The following SSH1 variants were observed in gnomAD, a reference collection of about 807,000 sequenced individuals.
SSH1 encodes slingshot protein phosphatase 1, also known as protein phosphatase Slingshot homolog 1.
SSH1 carries 43 observed loss-of-function variants against 79.7 expected under a neutral mutation model. The observed-to-expected ratio is 0.54, with a 90% confidence interval of 0.42 to 0.70. SSH1 has a LOEUF of 0.70. Ranked by LOEUF, SSH1 falls within the 30% of genes least tolerant of loss-of-function variation. The probability of loss-of-function intolerance (pLI) is 0.00; values close to 1 mark genes in which losing one functional copy is unlikely to be tolerated. For missense variants in SSH1, 1,206 were observed against 1,358.8 expected (o/e 0.89, Z 1.77); for synonymous variants, 599 against 538.3 (o/e 1.11, Z -1.56).
chr12:108,796,630 C>T (rs1298004599), intron 13 of SSH1, among the ~76,000 whole-genome samples: 11 of 152,178 alleles, frequency 7.2e-5, no homozygotes, highest in Non-Finnish European at 1.5e-4. Context: ...CACTTTTTGG[C>T]TATCGTGGAT....
At chr12:108,797,339 A>G (rs1390964523) in intron 13 of SSH1, among the ~76,000 whole-genome samples, 2 of 151,928 alleles carry the variant, frequency 1.3e-5, no homozygotes, top group Non-Finnish European at 2.9e-5. Context: ...CATGTTGCCA[A>G]TGACAGCAAT....
intron 3 of SSH1, 103 bp downstream of exon 3, chr12:108,823,155 A>AT: frequency 8.9e-7 from 1 of 1,124,596 alleles, no homozygotes. Flanking sequence ...TGCGTCCACT[A>AT]TGTCTAAGGC....
chr12:108,793,261 C>A (rs181651305), intron 13 of SSH1, among the ~76,000 whole-genome samples: 8 of 152,178 alleles, frequency 5.3e-5, no homozygotes, highest in Non-Finnish European at 7.4e-5. Flanking sequence ...GATCTATACA[C>A]GATAATACAA....
At chr12:108,845,179 AGCCTGG>A (rs2038869753) in intron 2 of SSH1, among the ~76,000 whole-genome samples, 1 of 150,310 alleles carries the variant, frequency 6.7e-6, no homozygotes, top group Admixed American at 6.6e-5. Flanking sequence ...ACTGCACTCC[AGCCTGG>A]GCAACAGAGC....
chr12:108,844,977 C>T (rs968039029), intron 2 of SSH1, among the ~76,000 whole-genome samples: 1 of 151,616 alleles, frequency 6.6e-6, no homozygotes, highest in Non-Finnish European at 1.5e-5. Context: ...GGTACACCTA[C>T]AGTCCCAGCT....
chr12:108,830,528 A>C (rs1248414489), intron 2 of SSH1, among the ~76,000 whole-genome samples: 1 of 152,166 alleles, frequency 6.6e-6, no homozygotes, highest in Non-Finnish European at 1.5e-5. Context: ...GGGCTTCATA[A>C]AGATACCTCT....
intron 4 of SSH1, among the ~76,000 whole-genome samples, chr12:108,817,556 C>G (rs1429314728): frequency 1.3e-5 from 2 of 152,222 alleles, no homozygotes; most frequent in Non-Finnish European, 2.9e-5. Flanking sequence ...GCCAGAGCGA[C>G]AGAGTGAGAT....
intron 2 of SSH1, among the ~76,000 whole-genome samples, chr12:108,847,512 G>A (rs569192601): frequency 6.6e-6 from 1 of 152,164 alleles, no homozygotes; most frequent in Non-Finnish European, 1.5e-5. Context: ...TGCCCAGGCT[G>A]GAGTGCAGTG....
chr12:108,837,911 T>C (rs1371178166), intron 2 of SSH1, among the ~76,000 whole-genome samples: 1 of 151,986 alleles, frequency 6.6e-6, no homozygotes, highest in African/African-American at 2.4e-5. Context: ...ACCACCCAAG[T>C]AGCTGGGACT....
In SSH1 at chr12:108,786,822, A is replaced by C. The variant is rs2036288841; in HGVS notation, c.*1166T>G. ...CTAGCTTGCTGACACCTTTGATTCA[A>C]GCCTGGCGCAGCGGGACTGGCTGAG... On this transcript the variant is annotated 3_prime_UTR_variant, in exon 15 of 15. Transcript: ENST00000326495. The C allele has an allele frequency of 6.6e-6, 1 of 152,216 alleles. No individual in the cohort carries two copies. Among genetic ancestry groups the C allele is most frequent in the Non-Finnish European group, 1.5e-5 (1 of 68,056 alleles). The allele number at this position is 152,216 out of a possible 1,614,324, so 9.4% of individuals were successfully genotyped here.
chr12:108,836,982 G>C (rs2038649108), intron 2 of SSH1: 1 of 511,450 alleles, frequency 2.0e-6, no homozygotes, highest in Admixed American at 2.1e-5. Flanking sequence ...TGTAATCCCA[G>C]CATTTTGGGA....
rs553469008 is a variant in SSH1 at position 108,811,565 on chromosome 12, C to T, written c.402-237G>A. ...GGGTGCAGTGTGGGCTGACCGCACG[C>T]CCACTCTACAGCAGGGAGGCAGCTG... On this transcript the variant is annotated intron_variant, in intron 5 of 14. Transcript: ENST00000326495. The T allele has an allele frequency of 7.1e-6, 4 of 562,340 alleles. No homozygotes were observed. The African/African-American group carries it at 7.5e-5, about 10-fold the overall frequency. 34.8% of individuals were successfully genotyped at this position (562,340 alleles called of 1,614,324 possible).
chr12:108,809,636 T>G (rs2037474364), intron 7 of SSH1, 57 bp downstream of exon 7: 4 of 1,472,914 alleles, frequency 2.7e-6, no homozygotes, highest in South Asian at 2.3e-5. Context: ...TTTCTATTCA[T>G]GCTGTCGGCT....
chr12:108,813,471 TG>T (rs976702896), intron 5 of SSH1, among the ~76,000 whole-genome samples: 1 of 151,422 alleles, frequency 6.6e-6, no homozygotes, highest in Non-Finnish European at 1.5e-5. Context: ...CCCAGCACTT[TG>T]GGAGGTGGAG....
chr12:108,839,557 G>A (rs1435875822), intron 2 of SSH1, among the ~76,000 whole-genome samples: 1 of 152,184 alleles, frequency 6.6e-6, no homozygotes, highest in Non-Finnish European at 1.5e-5. Flanking sequence ...GTGCGTGCCA[G>A]GCCTGGACCA....
intron 2 of SSH1, among the ~76,000 whole-genome samples, chr12:108,842,260 C>A (rs1276245776): frequency 1.3e-5 from 2 of 152,090 alleles, no homozygotes; most frequent in African/African-American, 4.8e-5. Context: ...GCACAATGAC[C>A]CCAATGTTTA....
rs558206810 is a variant in SSH1, at chr12:108,800,170, A to G, written c.1148+610T>C. Among the ~76,000 whole-genome samples, 342 of 152,318 alleles carry G rather than the reference A, an allele frequency of 2.2e-3. 2 individuals are homozygous for G. Among genetic ancestry groups the G allele is most frequent in the African/African-American group, 7.9e-3 (330 of 41,578 alleles). On this transcript the variant is annotated intron_variant, in intron 12 of 14. Transcript: ENST00000326495. ...GGTGATTGTCTTGACAGCATCTCAA[A>G]GGGTTCTTTCTGTTCTTAATAAGGC...
chr12:108,853,443 GCA>G, intron 1 of SSH1: 1 of 692,208 alleles, frequency 1.4e-6, no homozygotes, highest in Non-Finnish European at 1.8e-6. Flanking sequence ...TTTTTATGTT[GCA>G]CAGAGGCGCC....
At chr12:108,820,257 T>C (rs1239746796) in intron 3 of SSH1, among the ~76,000 whole-genome samples, 1 of 152,184 alleles carries the variant, frequency 6.6e-6, no homozygotes, top group Non-Finnish European at 1.5e-5. Context: ...TCTCCAGTTA[T>C]ACAATTCCAC....
Sources: gnomAD v4.1 joint callset for allele counts (sites outside exome capture counted in the v4.1 genomes callset) on GRCh38, gnomAD v4.1.1 for gene constraint, MANE v1.5 for transcripts, NCBI Gene and HGNC (gene_info 2026-07-23, HGNC 2026-07-21) for gene names.